ROBO2: variants seen among roughly 807,000 people sequenced by gnomAD.
The protein encoded by ROBO2 is roundabout guidance receptor 2.
Under a neutral mutation model 160.8 loss-of-function variants are expected in ROBO2, and 53 were observed. That is an observed-to-expected ratio of 0.33 (90% CI 0.26 to 0.41). The LOEUF is 0.41. ROBO2 is among the 10% of genes least tolerant of loss of function. The pLI is 1.00. For synonymous variants in ROBO2, 664 were observed against 611.7 expected, an observed-to-expected ratio of 1.09 and a Z score of -1.26; for missense variants, 1,577 against 1,722.4, an observed-to-expected ratio of 0.92 and a Z score of 1.49.
At chr3:77,548,231 G>T (rs1284790134) in intron 7 of ROBO2, among the ~76,000 whole-genome samples, 2 of 151,910 alleles carry the variant, frequency 1.3e-5, no homozygotes, top group African/African-American at 2.4e-5. Context: ...AACTTTTGTA[G>T]TGCTATTTAA....
intron 2 of ROBO2, among the ~76,000 whole-genome samples, chr3:76,217,279 C>T (rs1420260363): frequency 6.6e-6 from 1 of 152,024 alleles, no homozygotes; most frequent in Non-Finnish European, 1.5e-5. Context: ...CAAACATATT[C>T]AAAAGCTAGC....
At chr3:76,446,380 G>A (rs979549025) in intron 2 of ROBO2, among the ~76,000 whole-genome samples, 1 of 152,146 alleles carries the variant, frequency 6.6e-6, no homozygotes, top group Non-Finnish European at 1.5e-5. Context: ...ACTGCTCAAC[G>A]AAATAGAAGA....
At chr3:76,272,770 TTA>T (rs374944523) in intron 2 of ROBO2, among the ~76,000 whole-genome samples, 789 of 25,094 alleles carry the variant, frequency 0.031, 56 homozygotes, top group Middle Eastern at 0.17. Context: ...TAATATATAT[TTA>T]TATATAAAAT....
At chr3:76,036,917 A>G (rs2067128571) in intron 2 of ROBO2, among the ~76,000 whole-genome samples, 1 of 152,022 alleles carries the variant, frequency 6.6e-6, no homozygotes, top group Non-Finnish European at 1.5e-5. Context: ...CCCAGTATAT[A>G]ATTGGACATT....
intron 2 of ROBO2, among the ~76,000 whole-genome samples, chr3:76,651,364 C>T (rs2091250139): frequency 6.6e-6 from 1 of 152,096 alleles, no homozygotes. Flanking sequence ...TTGGCCAGGC[C>T]AGGCTCATGC....
intron 2 of ROBO2, among the ~76,000 whole-genome samples, chr3:76,353,077 T>C (rs941990552): frequency 6.6e-6 from 1 of 152,020 alleles, no homozygotes; most frequent in African/African-American, 2.4e-5. Context: ...CTTTGCATTG[T>C]ACACATGGAT....
chr3:76,016,636 T>A (rs1439164253), intron 2 of ROBO2, among the ~76,000 whole-genome samples: 1 of 152,076 alleles, frequency 6.6e-6, no homozygotes, highest in Non-Finnish European at 1.5e-5. Context: ...TTGGTATTAT[T>A]TCAATTTTCA....
intron 2 of ROBO2, among the ~76,000 whole-genome samples, chr3:75,995,745 G>A (rs2065709642): frequency 6.6e-6 from 1 of 152,170 alleles, no homozygotes; most frequent in Non-Finnish European, 1.5e-5. Flanking sequence ...GCAGTTGGGA[G>A]AGGGGTTGTA....
chr3:75,929,679 C>T (rs983922889), intron 1 of ROBO2, among the ~76,000 whole-genome samples: 9 of 151,896 alleles, frequency 5.9e-5, no homozygotes, highest in African/African-American at 2.2e-4. Context: ...CATCAACAGA[C>T]CTCCTTCCTG....
intron 22 of ROBO2, among the ~76,000 whole-genome samples, chr3:77,620,860 T>C (rs1451791750): frequency 6.6e-6 from 1 of 152,206 alleles, no homozygotes; most frequent in Non-Finnish European, 1.5e-5. Context: ...GCATAGTACT[T>C]TTTAAGATCT....
chr3:77,121,777 A>G (rs2074799466), intron 2 of ROBO2, among the ~76,000 whole-genome samples: 1 of 152,072 alleles, frequency 6.6e-6, no homozygotes, highest in Non-Finnish European at 1.5e-5. Context: ...TTTTCTCTAT[A>G]TTATAGAATT....
At position 76,654,511 on chromosome 3, in the gene ROBO2, G is replaced by T. The variant is rs1304952776; in HGVS notation, c.110-443503G>T. Among the ~76,000 whole-genome samples, 4 of 151,944 alleles carry T rather than the reference G, an allele frequency of 2.6e-5. No individual in the cohort carries two copies. In the East Asian group the frequency reaches 7.7e-4, roughly 29 times the overall value. On this transcript the variant is annotated intron_variant, in intron 2 of 26. Transcript: ENST00000487694. ...ATGCTCTCAGACACACCAAAGCATG[G>T]TCACCAGACACCATAACACATCAAC...
chr3:76,022,964 T>G (rs759823645), intron 2 of ROBO2, among the ~76,000 whole-genome samples: 2 of 151,788 alleles, frequency 1.3e-5, no homozygotes, highest in Non-Finnish European at 3.0e-5. Context: ...CTTCATCTAT[T>G]ATCTTAGCTA....
chr3:76,688,724 C>T (rs2055526050), intron 2 of ROBO2, among the ~76,000 whole-genome samples: 1 of 151,888 alleles, frequency 6.6e-6, no homozygotes, highest in Admixed American at 6.6e-5. Flanking sequence ...TGTGAATGAG[C>T]TGTTTCACTC....
chr3:76,059,740 A>C (rs989738130), intron 2 of ROBO2, among the ~76,000 whole-genome samples: 1 of 152,066 alleles, frequency 6.6e-6, no homozygotes, highest in Non-Finnish European at 1.5e-5. Flanking sequence ...CTATGTCCTG[A>C]ATGGTATTGC....
At position 76,957,547 on chromosome 3, in the gene ROBO2, A is replaced by G. The variant is rs923499077; in HGVS notation, c.110-140467A>G. 3.9e-4 allele frequency among the ~76,000 whole-genome samples: 60 copies of G among 152,012 alleles called. 1 individual carries two copies. The highest frequency in any genetic ancestry group is 1.4e-3 in the African/African-American group (59 of 41,404). ...CTATTTTGGTTACAAAAGTAATACA[A>G]TTAGGCCGGGTGCAGTGGCTCACGC... is the stretch of plus-strand genomic sequence containing the variant. On this transcript the variant is annotated intron_variant, in intron 2 of 26. Coordinates refer to the ROBO2 transcript ENST00000487694.
intron 2 of ROBO2, among the ~76,000 whole-genome samples, chr3:77,467,864 G>A (rs1459937693): frequency 2.6e-5 from 4 of 152,248 alleles, no homozygotes; most frequent in Non-Finnish European, 5.9e-5. Context: ...AGTTTTGTCC[G>A]AACTGGGCAG....
chr3:76,485,172 G>T (rs1158442738), intron 2 of ROBO2, among the ~76,000 whole-genome samples: 2 of 151,988 alleles, frequency 1.3e-5, no homozygotes, highest in Non-Finnish European at 2.9e-5. Context: ...TCATGAAAAA[G>T]TATACAATTC....
intron 22 of ROBO2, among the ~76,000 whole-genome samples, chr3:77,621,342 C>T (rs960949927): frequency 6.6e-6 from 1 of 152,052 alleles, no homozygotes; most frequent in Admixed American, 6.6e-5. Flanking sequence ...AGGAGGATCG[C>T]TTACGCCTGG....
Sources: allele counts gnomAD v4.1 joint callset (sites outside exome capture counted in the v4.1 genomes callset), GRCh38; gene constraint gnomAD v4.1.1; transcripts MANE v1.5; gene names NCBI Gene and HGNC (gene_info 2026-07-23, HGNC 2026-07-21).